BCLAF3: variants seen among roughly 807,000 people sequenced by gnomAD.
The protein encoded by BCLAF3 is BCLAF1 and THRAP3 family member 3, also known as transient octamer binding factor 1.
BCLAF3 carries 24 observed loss-of-function variants against 51.2 expected under a neutral mutation model. The ratio of observed to expected loss-of-function variants is 0.47; its 90% CI spans 0.34 to 0.66. The LOEUF (loss-of-function observed/expected upper bound fraction) is 0.66, where lower values mean the gene tolerates loss of function less well. BCLAF3 is among the 30% of genes least tolerant of loss of function. BCLAF3 has a pLI of 0.01. For missense variants in BCLAF3, 465 were observed against 525.1 expected (o/e 0.89, Z 1.12); for synonymous variants, 152 against 176.6 (o/e 0.86, Z 1.10).
chrX:19,925,753 CT>C (rs35686923), intron 11 of BCLAF3, among the ~76,000 whole-genome samples: 1 of 111,783 alleles, frequency 8.9e-6, no homozygotes, highest in Non-Finnish European at 1.9e-5. Context: ...GGCCTTCACT[CT>C]TTTTTTGAAG....
At chrX:19,961,212 A>G (rs2071843539) in intron 4 of BCLAF3, among the ~76,000 whole-genome samples, 1 of 112,592 alleles carries the variant, frequency 8.9e-6, no homozygotes, top group African/African-American at 3.2e-5. Flanking sequence ...AAATTTTCAT[A>G]CTGTGATTCC....
At chrX:19,922,895 CA>C (rs1290950004) in intron 11 of BCLAF3, among the ~76,000 whole-genome samples, 31 of 95,122 alleles carry the variant, frequency 3.3e-4, no homozygotes, top group East Asian at 6.3e-4. Flanking sequence ...GACTCCATCT[CA>C]AAAAAAAAAA....
At chrX:19,917,361 AG>A in intron 11 of BCLAF3, 27 bp from the exon 12 acceptor site, 1 of 1,153,659 alleles carries the variant, frequency 8.7e-7, no homozygotes, top group Non-Finnish European at 1.2e-6. Context: ...AGAGAAATAA[AG>A]ACTTCAAACA....
intron 5 of BCLAF3, 164 bp from the exon 6 acceptor site, chrX:19,954,056 C>T (rs2147898842): frequency 1.3e-6 from 1 of 754,309 alleles, no homozygotes; most frequent in Non-Finnish European, 1.6e-6. Context: ...GTAGCGCTCA[C>T]GTGCCTTCCC....
At chrX:19,980,862 C>A (rs182625435) in intron 1 of BCLAF3, among the ~76,000 whole-genome samples, 37 of 108,833 alleles carry the variant, frequency 3.4e-4, no homozygotes, top group African/African-American at 1.2e-3. Context: ...TCGCTTGAAC[C>A]CAGGAGGCAG....
At chrX:19,989,134 T>TA (rs368934510) in intron 1 of BCLAF3, among the ~76,000 whole-genome samples, 1,594 of 98,993 alleles carry the variant, frequency 0.016, 28 homozygotes, top group African/African-American at 0.049. Flanking sequence ...CAATTCACAT[T>TA]AAAAAAAAAA....
At chrX:19,959,053 G>A (rs190334564) in intron 4 of BCLAF3, among the ~76,000 whole-genome samples, 8 of 112,504 alleles carry the variant, frequency 7.1e-5, no homozygotes, top group East Asian at 2.8e-4. Context: ...GCTGGCAGTC[G>A]CAGCATTCTT....
intron 6 of BCLAF3, 81 bp downstream of exon 6, chrX:19,953,697 C>T (rs1222272629): frequency 1.1e-5 from 8 of 720,523 alleles, no homozygotes; most frequent in Non-Finnish European, 1.6e-5. Flanking sequence ...TGAGCAGGTT[C>T]GGAAAGCAGC....
intron 8 of BCLAF3, among the ~76,000 whole-genome samples, chrX:19,939,096 T>C (rs952985753): frequency 8.9e-6 from 1 of 111,894 alleles, no homozygotes; most frequent in Non-Finnish European, 1.9e-5. Flanking sequence ...TTTGTCAAAA[T>C]GCTCACGACA....
chrX:19,966,460 T>C lies in BCLAF3; in HGVS notation c.231A>G (p.Arg77=), dbSNP rs757308062. 6.6e-6 allele frequency: 8 copies of C among 1,209,617 alleles called. No homozygotes were observed. The South Asian group carries it at 8.8e-5, about 13-fold the overall frequency. The change falls in exon 3 of 12, where the codon AGA becomes AGG. Residue 77 remains arginine, a synonymous_variant. Coordinates refer to ENST00000379682, the MANE Select transcript of BCLAF3 (RefSeq NM_001367774.2). ...AGTTTCTTATGTTAGGGGAAGGTGATCTATGTTCATAAGACTGGTAATATA... is the reference window on the plus strand; with the variant it reads ...AGTTTCTTATGTTAGGGGAAGGTGACCTATGTTCATAAGACTGGTAATATA... ...GNIYYQSYEH[R]SPSPNIRNSL...
intron 2 of BCLAF3, among the ~76,000 whole-genome samples, chrX:19,968,185 G>A (rs1351900368): frequency 8.9e-6 from 1 of 112,650 alleles, no homozygotes; most frequent in Non-Finnish European, 1.9e-5. Context: ...AAGTTTGCTG[G>A]AACAGTTGCT....
chrX:19,935,980 T>G, intron 9 of BCLAF3, 82 bp from the exon 10 acceptor site: 1 of 787,601 alleles, frequency 1.3e-6, no homozygotes, highest in African/African-American at 2.0e-5. Context: ...GAAAACACAT[T>G]TTAAATGTAC....
At chrX:19,950,408 A>G (rs1233497106) in intron 8 of BCLAF3, among the ~76,000 whole-genome samples, 1 of 112,375 alleles carries the variant, frequency 8.9e-6, no homozygotes, top group Admixed American at 9.4e-5. Context: ...CCCAGAATCT[A>G]AAGGGCAGAA....
At chrX:19,948,372 C>G (rs2071376129) in intron 8 of BCLAF3, among the ~76,000 whole-genome samples, 1 of 112,112 alleles carries the variant, frequency 8.9e-6, no homozygotes, top group South Asian at 3.7e-4. Context: ...TTCAGCCATA[C>G]ATAAGAATTC....
intron 8 of BCLAF3, among the ~76,000 whole-genome samples, chrX:19,938,652 C>A (rs906907021): frequency 6.2e-5 from 7 of 112,732 alleles, no homozygotes; most frequent in Admixed American, 9.4e-5. Flanking sequence ...CCACCTTGGC[C>A]TCCCAAAGTG....
chrX:19,926,730 C>T (rs1253719010), intron 11 of BCLAF3, among the ~76,000 whole-genome samples: 2 of 111,078 alleles, frequency 1.8e-5, no homozygotes, highest in Admixed American at 1.9e-4. Context: ...CAGCCATTTT[C>T]CTTGAGTGAA....
At chrX:19,990,417 G>A (rs749564544) in intron 1 of BCLAF3, among the ~76,000 whole-genome samples, 2 of 113,960 alleles carry the variant, frequency 1.8e-5, no homozygotes, top group East Asian at 5.5e-4. Context: ...CGTTAACAGA[G>A]GAAGATGCCG....
chrX:19,984,523 A>G (rs2072731591), intron 1 of BCLAF3, among the ~76,000 whole-genome samples: 1 of 111,149 alleles, frequency 9.0e-6, no homozygotes, highest in Non-Finnish European at 1.9e-5. Flanking sequence ...AAGAAAAAAT[A>G]TTTCCACTTC....
intron 5 of BCLAF3, 32 bp downstream of exon 5, chrX:19,955,359 T>C (rs1343866093): frequency 3.6e-6 from 4 of 1,112,706 alleles, no homozygotes; most frequent in Admixed American, 5.6e-5. Flanking sequence ...TACTTTTGTG[T>C]TATCCCTAAC....
Sources: allele counts gnomAD v4.1 joint callset (sites outside exome capture counted in the v4.1 genomes callset), GRCh38; gene constraint gnomAD v4.1.1; transcripts MANE v1.5; gene names NCBI Gene and HGNC (gene_info 2026-07-23, HGNC 2026-07-21).